The following PTPRT variants were observed in gnomAD, a reference collection of about 807,000 sequenced individuals.
The protein encoded by PTPRT is receptor-type tyrosine-protein phosphatase T.
In PTPRT, 56 loss-of-function variants were observed where a neutral mutation model predicts 176.8. The ratio of observed to expected loss-of-function variants is 0.32; its 90% confidence interval spans 0.26 to 0.40. PTPRT has a LOEUF of 0.40. Among genes scored for constraint, PTPRT ranks in the 10% least tolerant of loss-of-function variants. PTPRT has a pLI of 1.00. For missense variants in PTPRT, 1,540 were observed against 1,908.2 expected (o/e 0.81, Z 3.60); for synonymous variants, 783 against 739.0 (o/e 1.06, Z -0.96).
chr20:42,747,948 G>T (rs1212623746), intron 6 of PTPRT, among the ~76,000 whole-genome samples: 1 of 152,208 alleles, frequency 6.6e-6, no homozygotes, highest in East Asian at 1.9e-4. Context: ...GGCAAGAGTG[G>T]AGCAGGGAGG....
chr20:42,148,413 G>A (rs963518797), intron 17 of PTPRT, among the ~76,000 whole-genome samples: 2 of 152,150 alleles, frequency 1.3e-5, no homozygotes, highest in Admixed American at 1.3e-4. Context: ...GATCAGCAAA[G>A]TGAGGTCCTG....
chr20:42,710,313 C>T (rs2076125364), intron 6 of PTPRT, among the ~76,000 whole-genome samples: 1 of 152,142 alleles, frequency 6.6e-6, no homozygotes, highest in Non-Finnish European at 1.5e-5. Flanking sequence ...CAGTACAGCC[C>T]CTCCCATCAC....
chr20:42,567,531 G>GT (rs1465010046), intron 7 of PTPRT, among the ~76,000 whole-genome samples: 6 of 152,194 alleles, frequency 3.9e-5, no homozygotes, highest in Non-Finnish European at 7.3e-5. Context: ...CCCAAGAGAA[G>GT]TAACTCATAG....
intron 1 of PTPRT, among the ~76,000 whole-genome samples, chr20:42,903,846 G>GCTGAACC (rs1461664033): frequency 6.6e-6 from 1 of 152,174 alleles, no homozygotes; most frequent in Non-Finnish European, 1.5e-5. Flanking sequence ...TGTAATTACA[G>GCTGAACC]CTGAACTAGC....
At chr20:43,125,165 T>TG (rs2013396334) in intron 1 of PTPRT, among the ~76,000 whole-genome samples, 1 of 142,986 alleles carries the variant, frequency 7.0e-6, no homozygotes, top group Non-Finnish European at 1.5e-5. Context: ...CTAGCTGATT[T>TG]TTTTTTTTTT....
chr20:42,797,962 G>A (rs2077476217), intron 2 of PTPRT, among the ~76,000 whole-genome samples: 1 of 152,190 alleles, frequency 6.6e-6, no homozygotes, highest in African/African-American at 2.4e-5. Context: ...ATGTACCCCA[G>A]TGTGACCCAC....
At chr20:42,642,098 T>G (rs1400742773) in intron 7 of PTPRT, among the ~76,000 whole-genome samples, 1 of 152,136 alleles carries the variant, frequency 6.6e-6, no homozygotes, top group East Asian at 1.9e-4. Context: ...TGAATATGTC[T>G]GGGAATTCAG....
chr20:42,511,314 A>G (rs987647857), intron 7 of PTPRT, among the ~76,000 whole-genome samples: 15 of 151,992 alleles, frequency 9.9e-5, no homozygotes, highest in Non-Finnish European at 1.9e-4. Context: ...ATAATAATAA[A>G]CTCTTGATAC....
chr20:42,154,165 A>T (rs1366516535), intron 17 of PTPRT, among the ~76,000 whole-genome samples: 1 of 152,152 alleles, frequency 6.6e-6, no homozygotes, highest in Non-Finnish European at 1.5e-5. Context: ...CCCTCCCTAG[A>T]ACCATGCTCA....
intron 6 of PTPRT, among the ~76,000 whole-genome samples, chr20:42,699,759 T>C (rs1045679561): frequency 6.6e-6 from 1 of 152,162 alleles, no homozygotes; most frequent in Non-Finnish European, 1.5e-5. Context: ...TGGCCAATCA[T>C]GCTTGCACTC....
intron 1 of PTPRT, among the ~76,000 whole-genome samples, chr20:42,891,293 A>C (rs972726599): frequency 6.6e-6 from 1 of 152,192 alleles, no homozygotes; most frequent in Non-Finnish European, 1.5e-5. Context: ...AGGTTTGGTG[A>C]AGATCCACAT....
At chr20:42,284,397 A>ATCT (rs1448025204) in intron 12 of PTPRT, among the ~76,000 whole-genome samples, 6 of 151,998 alleles carry the variant, frequency 3.9e-5, no homozygotes, top group African/African-American at 1.4e-4. Context: ...TACAATTTCC[A>ATCT]TCTTCTTCAA....
intron 2 of PTPRT, among the ~76,000 whole-genome samples, chr20:42,838,600 T>C (rs1341184266): frequency 6.6e-6 from 1 of 152,182 alleles, no homozygotes; most frequent in East Asian, 1.9e-4. Context: ...TATCTTGGGA[T>C]ATCTGGGCTG....
intron 7 of PTPRT, among the ~76,000 whole-genome samples, chr20:42,570,738 C>A (rs1448013474): frequency 1.3e-5 from 2 of 152,052 alleles, no homozygotes; most frequent in Non-Finnish European, 2.9e-5. Context: ...AGAAGATTTC[C>A]CCTCTTCCTC....
intron 1 of PTPRT, among the ~76,000 whole-genome samples, chr20:43,164,338 GAA>G (rs1371562493): frequency 6.6e-6 from 1 of 152,220 alleles, no homozygotes; most frequent in Admixed American, 6.5e-5. Flanking sequence ...AAGCAAGAGA[GAA>G]TTGCTTCTTT....
chr20:42,261,325 T>G (rs1472452246), intron 13 of PTPRT, among the ~76,000 whole-genome samples: 2 of 151,816 alleles, frequency 1.3e-5, no homozygotes, highest in Non-Finnish European at 2.9e-5. Flanking sequence ...TTTCTCTTCT[T>G]GTAAGGACAC....
At chr20:42,328,045 C>T (rs1190287196) in intron 11 of PTPRT, among the ~76,000 whole-genome samples, 1 of 152,006 alleles carries the variant, frequency 6.6e-6, no homozygotes, top group Admixed American at 6.6e-5. Flanking sequence ...CAAAATTCTG[C>T]ACAAATGAAA....
At chr20:42,517,696 A>G (rs187290765) in intron 7 of PTPRT, among the ~76,000 whole-genome samples, 9 of 152,142 alleles carry the variant, frequency 5.9e-5, no homozygotes, top group Non-Finnish European at 1.2e-4. Flanking sequence ...TTTCATTATC[A>G]TTAAGTTCTA....
chr20:42,874,428 A>T (rs1398313806), intron 2 of PTPRT, among the ~76,000 whole-genome samples: 1 of 147,590 alleles, frequency 6.8e-6, no homozygotes, highest in Non-Finnish European at 1.5e-5. Context: ...CAGTGAGAAG[A>T]CATCCTCTCC....
Sources: gnomAD v4.1 joint callset for allele counts (sites outside exome capture counted in the v4.1 genomes callset) on GRCh38, gnomAD v4.1.1 for gene constraint, MANE v1.5 for transcripts, NCBI Gene and HGNC (gene_info 2026-07-23, HGNC 2026-07-21) for gene names.